ADGRG6: variants seen among roughly 807,000 people sequenced by gnomAD.
The protein encoded by ADGRG6 is adhesion G protein-coupled receptor G6.
A neutral mutation model predicts 142.4 loss-of-function variants in ADGRG6; 84 were observed. That is an observed-to-expected ratio of 0.59 (90% CI 0.49 to 0.71). The LOEUF (loss-of-function observed/expected upper bound fraction) is 0.71. Among genes scored for constraint, ADGRG6 ranks in the 30% least tolerant of loss-of-function variants. ADGRG6 has a pLI of 0.00. For missense variants in ADGRG6, 1,367 were observed against 1,466.6 expected (o/e 0.93, Z 1.11); for synonymous variants, 521 against 520.5 (o/e 1.00, Z -0.01).
chr6:142,421,448 T>C (rs975934104), intron 22 of ADGRG6, among the ~76,000 whole-genome samples: 2 of 152,188 alleles, frequency 1.3e-5, no homozygotes, highest in Admixed American at 6.6e-5. Context: ...TAAATACATC[T>C]TTATTGGGAT....
At chr6:142,379,894 G>T (rs151241730) in intron 4 of ADGRG6, among the ~76,000 whole-genome samples, 1,670 of 152,264 alleles carry the variant, frequency 0.011, 14 homozygotes, top group Non-Finnish European at 0.018. Context: ...AGCCTCAGGG[G>T]GTCCTGATGA....
intron 22 of ADGRG6, among the ~76,000 whole-genome samples, chr6:142,436,830 C>G (rs746947526): frequency 1.3e-5 from 2 of 152,130 alleles, no homozygotes; most frequent in Non-Finnish European, 2.9e-5. Context: ...AATATGAAGA[C>G]TGTTTCTCAT....
At chr6:142,318,187 T>TTTATATAA (rs1554230732) in intron 2 of ADGRG6, among the ~76,000 whole-genome samples, 1 of 32,418 alleles carries the variant, frequency 3.1e-5, no homozygotes, top group African/African-American at 1.9e-4. Flanking sequence ...ATATTATATA[T>TTTATATAA]TATATATTTA....
At chr6:142,399,625 G>T (rs1183967508) in intron 10 of ADGRG6, among the ~76,000 whole-genome samples, 2 of 152,056 alleles carry the variant, frequency 1.3e-5, no homozygotes, top group Admixed American at 1.3e-4. Context: ...TAAATTATCC[G>T]TTTTATTGTT....
At chr6:142,431,098 T>TG (rs1777185150) in intron 22 of ADGRG6, among the ~76,000 whole-genome samples, 1 of 152,174 alleles carries the variant, frequency 6.6e-6, no homozygotes, top group African/African-American at 2.4e-5. Context: ...ATTACAGTTT[T>TG]TTTTTTTTAA....
chr6:142,415,582 T>A (rs1334134876), intron 19 of ADGRG6, among the ~76,000 whole-genome samples: 5 of 152,166 alleles, frequency 3.3e-5, no homozygotes, highest in African/African-American at 1.2e-4. Context: ...CAATTGGAAA[T>A]AATTTTGAAG....
At chr6:142,330,406 T>G (rs1278334374) in intron 2 of ADGRG6, among the ~76,000 whole-genome samples, 1 of 152,134 alleles carries the variant, frequency 6.6e-6, no homozygotes, top group Non-Finnish European at 1.5e-5. Context: ...TTTCTTGATG[T>G]TATTCTCAGC....
chr6:142,403,953 A>G lies in ADGRG6; in HGVS notation c.2107A>G (p.Asn703Asp), dbSNP rs1775668309. 6.2e-7 allele frequency: 1 copy of G among 1,609,226 alleles called. No individual in the cohort carries two copies. Among genetic ancestry groups the G allele is most frequent in the African/African-American group, 1.3e-5 (1 of 74,822 alleles). ...AAATTTTAGCATTGGTCTTCCAAGCAATAATGAATCGTATTTCCAGGTAAT... is the reference window on the plus strand; with the variant it reads ...AAATTTTAGCATTGGTCTTCCAAGCGATAATGAATCGTATTTCCAGGTAAT... Reference protein sequence around the residue: ...ISNFSIGLPSNNESYFQMDFE... With the variant: ...ISNFSIGLPSDNESYFQMDFE... Residue 703 changes from asparagine (N) to aspartate (D), a missense_variant, in exon 14 of 25, where the codon AAT (asparagine) becomes GAT (aspartate). Coordinates refer to ENST00000367609, the MANE Select transcript of ADGRG6 (RefSeq NM_198569.3).
intron 2 of ADGRG6, among the ~76,000 whole-genome samples, chr6:142,352,986 A>T (rs1483850686): frequency 6.6e-6 from 1 of 152,152 alleles, no homozygotes; most frequent in Non-Finnish European, 1.5e-5. Flanking sequence ...TCCACCAAAA[A>T]CAAACCCAAG....
intron 2 of ADGRG6, among the ~76,000 whole-genome samples, chr6:142,327,245 A>C (rs1778821301): frequency 6.6e-6 from 1 of 152,070 alleles, no homozygotes; most frequent in Admixed American, 6.6e-5. Context: ...ATGATAGGCA[A>C]AAAGATAAAA....
At chr6:142,366,511 C>T (rs1043686296) in intron 2 of ADGRG6, among the ~76,000 whole-genome samples, 2 of 152,198 alleles carry the variant, frequency 1.3e-5, no homozygotes, top group African/African-American at 4.8e-5. Flanking sequence ...TTCAGTCTCT[C>T]TTTATCCTTT....
intron 22 of ADGRG6, among the ~76,000 whole-genome samples, chr6:142,421,741 C>A (rs1360793430): frequency 1.3e-5 from 2 of 152,112 alleles, no homozygotes; most frequent in Non-Finnish European, 2.9e-5. Flanking sequence ...GCATGGGTCC[C>A]CTGTCAGGAG....
chr6:142,392,289 C>T (rs1774933695), intron 7 of ADGRG6, among the ~76,000 whole-genome samples: 1 of 151,894 alleles, frequency 6.6e-6, no homozygotes, highest in Non-Finnish European at 1.5e-5. Context: ...GTATGGGAAA[C>T]TGCATCATAG....
rs564277750 is a variant in ADGRG6 at position 142,414,817 on chromosome 6, T to C, written c.2542-152T>C. On this transcript the variant is annotated intron_variant, in intron 18 of 24. Coordinates refer to ENST00000367609, the MANE Select transcript of ADGRG6 (RefSeq NM_198569.3). Reference sequence around the variant, plus strand: ...TTTTATTTATTGATCGAAAATAATATAATAAATGGAAATTTTAATATTGAT... The same window carrying C: ...TTTTATTTATTGATCGAAAATAATACAATAAATGGAAATTTTAATATTGAT... Among the ~76,000 whole-genome samples, 17 of 152,306 alleles carry C rather than the reference T, an allele frequency of 1.1e-4. No individual in the cohort carries two copies. The East Asian group carries it at 3.3e-3, about 29-fold the overall frequency.
At chr6:142,422,427 C>A (rs1393006780) in intron 22 of ADGRG6, among the ~76,000 whole-genome samples, 1 of 151,950 alleles carries the variant, frequency 6.6e-6, no homozygotes, top group Non-Finnish European at 1.5e-5. Context: ...TGGTTTTTTG[C>A]TCTTGCGATA....
rs1007033078 is a variant in ADGRG6 at position 142,348,426 on chromosome 6, TA to T, written c.104-19135del. ...GGAATAATGTGTATATTTATATTGG[TA>T]AAAAAAAGGAAAACAAAAATTTTGT... On this transcript the variant is annotated intron_variant, in intron 2 of 24. Coordinates refer to ENST00000367609, the MANE Select transcript of ADGRG6 (RefSeq NM_198569.3). 2.6e-5 allele frequency among the ~76,000 whole-genome samples: 4 copies of T among 151,654 alleles called. 1 individual carries two copies. The highest frequency in any genetic ancestry group is 7.3e-5 in the African/African-American group (3 of 41,330).
chr6:142,435,057 A>T (rs1396162663), intron 22 of ADGRG6, among the ~76,000 whole-genome samples: 1 of 152,080 alleles, frequency 6.6e-6, no homozygotes, highest in Non-Finnish European at 1.5e-5. Flanking sequence ...TCCATTGTAC[A>T]AGCTGCAATG....
chr6:142,426,410 A>G (rs560842459), intron 22 of ADGRG6, among the ~76,000 whole-genome samples: 14 of 152,298 alleles, frequency 9.2e-5, no homozygotes, highest in East Asian at 7.7e-4. Context: ...CTTCGACTCC[A>G]TATCTCACAT....
At chr6:142,314,982 G>A (rs931977110) in intron 2 of ADGRG6, among the ~76,000 whole-genome samples, 1 of 151,184 alleles carries the variant, frequency 6.6e-6, no homozygotes, top group African/African-American at 2.4e-5. Context: ...GTGTGTGTGT[G>A]TGTGTGTGTG....
Sources: gnomAD v4.1 joint callset for allele counts (sites outside exome capture counted in the v4.1 genomes callset) on GRCh38, gnomAD v4.1.1 for gene constraint, MANE v1.5 for transcripts, NCBI Gene and HGNC (gene_info 2026-07-23, HGNC 2026-07-21) for gene names.